The following MLLT10 variants were observed in gnomAD, a reference collection of about 807,000 sequenced individuals.
The protein encoded by MLLT10 is MLLT10 histone lysine methyltransferase DOT1L cofactor.
A neutral mutation model predicts 129.1 loss-of-function variants in MLLT10; 30 were observed. The observed-to-expected ratio is 0.23, with a 90% CI of 0.17 to 0.32. The LOEUF (loss-of-function observed/expected upper bound fraction) is 0.32. Among genes scored for constraint, MLLT10 ranks in the 10% least tolerant of loss-of-function variants. The pLI, the probability that MLLT10 is intolerant of heterozygous loss-of-function variation, is 1.00. For missense variants in MLLT10, 1,119 were observed against 1,268.3 expected (o/e 0.88, Z 1.79); for synonymous variants, 490 against 446.4 (o/e 1.10, Z -1.23).
chr10:21,732,723 G>T lies in MLLT10; in HGVS notation c.2219-176G>T, dbSNP rs1327035795. On this transcript the variant is annotated intron_variant, in intron 17 of 22. Coordinates refer to ENST00000307729, the MANE Select transcript of MLLT10 (RefSeq NM_001195626.3). Reference sequence around the variant, plus strand: ...TTGTGCTTATAAAAATACAAACATAGATAGGCAATTTATATCCATAAACAA... The same window carrying T: ...TTGTGCTTATAAAAATACAAACATATATAGGCAATTTATATCCATAAACAA... 3.3e-5 allele frequency among the ~76,000 whole-genome samples: 5 copies of T among 152,162 alleles called. 1 individual carries two copies. In the East Asian group the frequency reaches 9.6e-4, roughly 29 times the overall value.
intron 13 of MLLT10, among the ~76,000 whole-genome samples, chr10:21,688,754 C>T (rs1156629342): frequency 6.6e-6 from 1 of 152,042 alleles, no homozygotes; most frequent in Non-Finnish European, 1.5e-5. Context: ...TTGCTTCAGA[C>T]TTGGTAGGTA....
chr10:21,738,642 T>A (rs183144131), intron 21 of MLLT10: 2 of 878,608 alleles, frequency 2.3e-6, no homozygotes, highest in East Asian at 2.4e-4. Context: ...ACTTGCATGT[T>A]TGCTAAATCC....
intron 4 of MLLT10, among the ~76,000 whole-genome samples, chr10:21,592,519 G>A (rs1203660260): frequency 1.3e-5 from 2 of 151,330 alleles, no homozygotes; most frequent in South Asian, 2.1e-4. Context: ...GTAGTGGCGC[G>A]ATCTCGACTC....
chr10:21,561,495 G>A (rs60139733), intron 3 of MLLT10, among the ~76,000 whole-genome samples: 2,101 of 152,296 alleles, frequency 0.014, 47 homozygotes, highest in African/African-American at 0.047. Flanking sequence ...TCCTGACCTC[G>A]TGATCCGCCC....
chr10:21,563,790 T>TATTATTA (rs2039165219), intron 3 of MLLT10, among the ~76,000 whole-genome samples: 2 of 141,152 alleles, frequency 1.4e-5, no homozygotes, highest in African/African-American at 5.9e-5. Flanking sequence ...TCTCACTGTG[T>TATTATTA]GTATTATTAT....
Position 21,726,552 on chromosome 10 carries a change from C to T in MLLT10, c.1990+197C>T, listed in dbSNP as rs191613653. ...GTTAACTAGCTTGATTTTATTATTC[C>T]ACATTACATTCATATATCATAACAT... On this transcript the variant is annotated intron_variant, in intron 15 of 22. Coordinates refer to ENST00000307729, the MANE Select transcript of MLLT10 (RefSeq NM_001195626.3). 2.4e-4 allele frequency among the ~76,000 whole-genome samples: 36 copies of T among 152,020 alleles called. 1 individual carries two copies. Among genetic ancestry groups the T allele is most frequent in the East Asian group, 2.3e-3 (12 of 5,178 alleles).
Position 21,638,257 on chromosome 10 carries a change from T to TG in MLLT10, c.700-13410dup, listed in dbSNP as rs1554827242. Among the ~76,000 whole-genome samples the TG allele has an allele frequency of 1.7e-3, 137 of 80,526 alleles. 1 individual carries two copies. Among genetic ancestry groups the TG allele is most frequent in the African/African-American group, 7.0e-3 (127 of 18,110 alleles). The allele number at this position is 80,526 out of a possible 152,430, so 52.8% of individuals were successfully genotyped here. ...CTCTATCATATATTCTTCTTTTTGG[T>TG]GGGGGGAGGGGGGCGGGGGCACTAA... On this transcript the variant is annotated intron_variant, in intron 8 of 22. Transcript: ENST00000307729.
intron 3 of MLLT10, among the ~76,000 whole-genome samples, chr10:21,576,066 A>G (rs1453089718): frequency 2.0e-5 from 3 of 151,812 alleles, no homozygotes; most frequent in African/African-American, 4.8e-5. Flanking sequence ...AGCTGGGACT[A>G]TAGGTGTGTG....
chr10:21,568,732 G>T (rs2039871476), intron 3 of MLLT10, among the ~76,000 whole-genome samples: 1 of 152,066 alleles, frequency 6.6e-6, no homozygotes, highest in South Asian at 2.1e-4. Context: ...CCGCCTCCCG[G>T]GTTCAAGCAG....
intron 4 of MLLT10, among the ~76,000 whole-genome samples, chr10:21,593,779 T>A (rs2042735386): frequency 6.6e-6 from 1 of 151,644 alleles, no homozygotes; most frequent in African/African-American, 2.4e-5. Flanking sequence ...ATACAAAAAT[T>A]AGCCCCGTGT....
intron 11 of MLLT10, among the ~76,000 whole-genome samples, chr10:21,677,661 A>G (rs2052322995): frequency 6.6e-6 from 1 of 152,150 alleles, no homozygotes; most frequent in African/African-American, 2.4e-5. Context: ...TCCTCCAAAT[A>G]TTTTCTATAC....
chr10:21,734,681 T>C lies in MLLT10; in HGVS notation c.2859-458T>C, dbSNP rs148924930. Among the ~76,000 whole-genome samples the C allele has an allele frequency of 7.2e-5, 11 of 152,364 alleles. No individual in the cohort carries two copies. In the East Asian group the frequency reaches 2.1e-3, roughly 29 times the overall value. ...TTTTAAATGGATTTGCAGTGGGTAC[T>C]AGAAAGCTATTTCCTGTAGCTCTCT... On this transcript the variant is annotated intron_variant, in intron 20 of 22. Transcript: ENST00000307729.
At chr10:21,683,219 G>C (rs927972960) in intron 13 of MLLT10, among the ~76,000 whole-genome samples, 4 of 152,020 alleles carry the variant, frequency 2.6e-5, no homozygotes, top group East Asian at 3.9e-4. Context: ...CGTTAGGGTG[G>C]GAGTCTTATC....
chr10:21,636,628 G>T (rs778057009), intron 8 of MLLT10, among the ~76,000 whole-genome samples: 1 of 151,150 alleles, frequency 6.6e-6, no homozygotes, highest in Non-Finnish European at 1.5e-5. Context: ...AAGCTGGAGT[G>T]CAGTGGTGCG....
intron 3 of MLLT10, 42 bp from the exon 4 acceptor site, chr10:21,586,252 A>G: frequency 1.4e-6 from 2 of 1,450,290 alleles, no homozygotes; most frequent in Non-Finnish European, 1.9e-6. Flanking sequence ...ATTTTTGATA[A>G]TCTGAAATAT....
intron 4 of MLLT10, among the ~76,000 whole-genome samples, chr10:21,591,665 G>T (rs531031547): frequency 6.6e-6 from 1 of 151,008 alleles, no homozygotes; most frequent in Admixed American, 6.6e-5. Flanking sequence ...CTATATAGTG[G>T]TTGCTGTAGG....
intron 9 of MLLT10, among the ~76,000 whole-genome samples, chr10:21,652,592 GT>G (rs1190970383): frequency 6.6e-6 from 1 of 152,204 alleles, no homozygotes; most frequent in Non-Finnish European, 1.5e-5. Context: ...GAATAAATAA[GT>G]TGGGAAGTGC....
At chr10:21,582,459 T>A (rs2041574398) in intron 3 of MLLT10, among the ~76,000 whole-genome samples, 1 of 152,144 alleles carries the variant, frequency 6.6e-6, no homozygotes, top group Non-Finnish European at 1.5e-5. Context: ...TTACTGTGCC[T>A]AATTTATAAA....
At chr10:21,628,961 CT>C (rs2046746328) in intron 8 of MLLT10, among the ~76,000 whole-genome samples, 1 of 151,518 alleles carries the variant, frequency 6.6e-6, no homozygotes, top group Non-Finnish European at 1.5e-5. Context: ...GTTGGCCAGG[CT>C]GGTCTTGAAC....
Sources: allele counts gnomAD v4.1 joint callset (sites outside exome capture counted in the v4.1 genomes callset), GRCh38; gene constraint gnomAD v4.1.1; transcripts MANE v1.5; gene names NCBI Gene and HGNC (gene_info 2026-07-23, HGNC 2026-07-21).